Variants in KIF2C observed in about 807,000 individuals in gnomAD.
The protein encoded by KIF2C is kinesin family member 2C.
In KIF2C, 34 loss-of-function variants were observed where a neutral mutation model predicts 97.4. The ratio of observed to expected loss-of-function variants is 0.35; its 90% CI spans 0.27 to 0.46. The LOEUF is 0.46. Ranked by LOEUF, KIF2C falls within the 20% of genes least tolerant of loss-of-function variation. The pLI is 1.00. For missense variants in KIF2C, 750 were observed against 907.6 expected (o/e 0.83, Z 2.23); for synonymous variants, 313 against 318.2 (o/e 0.98, Z 0.17).
In KIF2C at chr1:44,754,842, TC is replaced by T. The variant is rs759351977; in HGVS notation, c.758del (p.Pro253LeufsTer16). Reference sequence around the variant, plus strand: ...AATGTCATCCACTTACTATGACTGATCCTGTAAGTACATCCAAAGAACTTCT... The same window carrying T: ...AATGTCATCCACTTACTATGACTGATCTGTAAGTACATCCAAAGAACTTCT... Reference protein sequence around the residue: ...LECHPLTMTDPIEEHRICVCV... With the variant: ...LECHPLTMTDXIEEHRICVCV... On this transcript the variant is annotated frameshift_variant and splice_region_variant, in exon 8 of 21. Coordinates refer to ENST00000372224, the MANE Select transcript of KIF2C (RefSeq NM_006845.4). LOFTEE classifies it high-confidence loss of function. 2 of 1,575,184 alleles carry T rather than the reference TC, an allele frequency of 1.3e-6. No individual in the cohort carries two copies. The highest frequency in any genetic ancestry group is 1.7e-6 in the Non-Finnish European group (2 of 1,144,606).
intron 19 of KIF2C, among the ~76,000 whole-genome samples, chr1:44,764,668 C>T (rs1650355507): frequency 6.6e-6 from 1 of 151,496 alleles, no homozygotes; most frequent in African/African-American, 2.4e-5. Flanking sequence ...TGCCACCACG[C>T]CCAGCTAATT....
intron 13 of KIF2C, among the ~76,000 whole-genome samples, chr1:44,758,379 T>C (rs1360032883): frequency 6.6e-6 from 1 of 152,136 alleles, no homozygotes; most frequent in Non-Finnish European, 1.5e-5. Flanking sequence ...AAGGTTTGCC[T>C]GTGTGTGTCC....
intron 19 of KIF2C, among the ~76,000 whole-genome samples, chr1:44,763,183 A>ATAG (rs59030636): frequency 6.6e-6 from 1 of 151,960 alleles, no homozygotes; most frequent in African/African-American, 2.4e-5. Flanking sequence ...TATGCTTATA[A>ATAG]AGTGTCAGCA....
chr1:44,753,958 C>CCT (rs1649674479), intron 7 of KIF2C, 125 bp downstream of exon 7: 2 of 66,714 alleles, frequency 3.0e-5, no homozygotes, highest in Admixed American at 4.6e-4. Context: ...GGCCCCAATT[C>CCT]TTTTTTTTTT....
intron 19 of KIF2C, among the ~76,000 whole-genome samples, chr1:44,764,799 A>G (rs575373451): frequency 6.6e-6 from 1 of 152,122 alleles, no homozygotes; most frequent in South Asian, 2.1e-4. Flanking sequence ...GTGAGCCACC[A>G]CGCCCAGTCG....
rs969065457 is a variant in KIF2C, at chr1:44,760,023, C to T, written c.1368-257C>T. ...TTAGCAGAGGGAATTTATCCTTCCC[C>T]GTGTCCTTCTAGGGCTCCAGGTCTG... On this transcript the variant is annotated intron_variant, in intron 14 of 20. Transcript: ENST00000372224. This position sits in a 1 kb window ranked among gnomAD's most constrained non-coding sequence, Gnocchi z 4.2. 8.5e-5 allele frequency among the ~76,000 whole-genome samples: 13 copies of T among 152,268 alleles called. No individual in the cohort carries two copies. The highest frequency in any genetic ancestry group is 3.4e-3 in the Middle Eastern group (1 of 294).
chr1:44,767,357 G>C lies in KIF2C; in HGVS notation c.*178G>C. On this transcript the variant is annotated 3_prime_UTR_variant, in exon 21 of 21. Transcript: ENST00000372224. Reference sequence around the variant, plus strand: ...TGGGGAGGGGGTCAGAGTGACATGGGACACTCCTTTTCTGTTCCTCAGTTG... The same window carrying C: ...TGGGGAGGGGGTCAGAGTGACATGGCACACTCCTTTTCTGTTCCTCAGTTG... The C allele has an allele frequency of 1.7e-6, 1 of 572,120 alleles. No individual in the cohort carries two copies. Among genetic ancestry groups the C allele is most frequent in the Admixed American group, 3.0e-5 (1 of 33,320 alleles). The allele number at this position is 572,120 out of a possible 1,614,324, so 35.4% of individuals were successfully genotyped here. A position where few individuals can be genotyped will look rare whatever the true frequency, so the allele number is the denominator to read the frequency against.
Position 44,761,628 on chromosome 1 carries a change from A to G in KIF2C, c.1684-288A>G, listed in dbSNP as rs189719588. ...GTCTCAAAAAAAAAAAAGAAAAAAG[A>G]AAAAGATAGGACCTTGGTAGCAAGA... On this transcript the variant is annotated intron_variant, in intron 16 of 20. Transcript: ENST00000372224. Among the ~76,000 whole-genome samples, 251 of 151,788 alleles carry G rather than the reference A, an allele frequency of 1.7e-3. 1 individual carries two copies. Among genetic ancestry groups the G allele is most frequent in the African/African-American group, 5.6e-3 (231 of 41,244 alleles).
intron 19 of KIF2C, among the ~76,000 whole-genome samples, chr1:44,763,562 G>A (rs1358936354): frequency 6.6e-6 from 1 of 152,150 alleles, no homozygotes; most frequent in African/African-American, 2.4e-5. Flanking sequence ...CTTCTAGATG[G>A]TTCATCTCAC....
chr1:44,765,729 G>A (rs1024250082), intron 19 of KIF2C, among the ~76,000 whole-genome samples: 1 of 152,142 alleles, frequency 6.6e-6, no homozygotes, highest in African/African-American at 2.4e-5. Flanking sequence ...CAGCTACTCG[G>A]GAGGCTGAGT....
At chr1:44,765,362 G>A (rs994902511) in intron 19 of KIF2C, among the ~76,000 whole-genome samples, 1 of 152,132 alleles carries the variant, frequency 6.6e-6, no homozygotes, top group African/African-American at 2.4e-5. Context: ...CAATGTAAAT[G>A]ACAAGTTAAT....
intron 2 of KIF2C, 134 bp from the exon 3 acceptor site, chr1:44,747,250 T>G: frequency 5.7e-6 from 4 of 702,442 alleles, no homozygotes; most frequent in Non-Finnish European, 7.2e-6. Context: ...AGAGGTTGCA[T>G]TGAACCAAGA....
chr1:44,747,339 A>G, intron 2 of KIF2C, 45 bp from the exon 3 acceptor site: 1 of 1,387,876 alleles, frequency 7.2e-7, no homozygotes, highest in Non-Finnish European at 1.0e-6. Flanking sequence ...ATGTATTTGG[A>G]TTGAACAATG....
Position 44,758,125 on chromosome 1 carries a change from G to A in KIF2C, c.1209G>A (p.Glu403=), listed in dbSNP as rs773606577. The change falls in exon 13 of 21, where the codon GAG becomes GAA. Residue 403 remains glutamate (E), a synonymous_variant. Coordinates refer to ENST00000372224, the MANE Select transcript of KIF2C (RefSeq NM_006845.4). ...LGLEVYVTFF[E]IYNGKLFDLL... Reference sequence around the variant, plus strand: ...TGGAAGTCTATGTGACATTCTTCGAGATCTACAATGGGAAGGTAGCTGGCA... The same window carrying A: ...TGGAAGTCTATGTGACATTCTTCGAAATCTACAATGGGAAGGTAGCTGGCA... The A allele has an allele frequency of 6.2e-7, 1 of 1,614,084 alleles. No homozygotes were observed. The highest frequency in any genetic ancestry group is 2.2e-5 in the East Asian group (1 of 44,882).
intron 18 of KIF2C, 21 bp from the exon 19 acceptor site, chr1:44,762,520 TTGTC>T (rs1557601351): frequency 1.2e-6 from 2 of 1,610,984 alleles, no homozygotes; most frequent in Admixed American, 3.3e-5. Context: ...GGTCACATAA[TTGTC>T]TTTCTTTTTG....
At chr1:44,755,235 G>C (rs1307482275) in intron 8 of KIF2C, among the ~76,000 whole-genome samples, 2 of 152,022 alleles carry the variant, frequency 1.3e-5, no homozygotes, top group African/African-American at 4.8e-5. Flanking sequence ...TGGGATTACA[G>C]GTGTAAGCTA....
chr1:44,766,995 C>G (rs1445454145), intron 20 of KIF2C, 46 bp downstream of exon 20: 1 of 1,612,628 alleles, frequency 6.2e-7, no homozygotes. Flanking sequence ...GTGGCCTCTG[C>G]TGGCTCTTGG....
chr1:44,740,214 T>C (rs903738761), intron 1 of KIF2C, among the ~76,000 whole-genome samples: 1 of 152,212 alleles, frequency 6.6e-6, no homozygotes, highest in Non-Finnish European at 1.5e-5. Context: ...TTCGCAGTCC[T>C]CTGGGAGTGG....
chr1:44,760,131 C>T lies in KIF2C; in HGVS notation c.1368-149C>T. 1.5e-6 allele frequency: 1 copy of T among 667,764 alleles called. No individual in the cohort carries two copies. The highest frequency in any genetic ancestry group is 2.6e-6 in the Non-Finnish European group (1 of 388,194). 41.4% of individuals were successfully genotyped at this position (667,764 alleles called of 1,614,324 possible). A position where few individuals can be genotyped will look rare whatever the true frequency, so the allele number is the denominator to read the frequency against. On this transcript the variant is annotated intron_variant, in intron 14 of 20. Coordinates refer to ENST00000372224, the MANE Select transcript of KIF2C (RefSeq NM_006845.4). This position sits in a 1 kb window ranked among gnomAD's most constrained non-coding sequence, Gnocchi z 4.2. ...TCCAGAGCTGGAGGGAGAATTGCTA[C>T]CCAGGGAGGGCAAGATGGAAGCCTG...
Sources: allele counts gnomAD v4.1 joint callset (sites outside exome capture counted in the v4.1 genomes callset), GRCh38; gene constraint gnomAD v4.1.1; non-coding constraint Gnocchi (gnomAD v3.1); transcripts MANE v1.5; gene names NCBI Gene and HGNC (gene_info 2026-07-23, HGNC 2026-07-21).